Variants in NEGR1 observed in about 807,000 individuals in gnomAD.
The protein encoded by NEGR1 is neuronal growth regulator 1, also known as IgLON family member 4.
A neutral mutation model predicts 40.9 loss-of-function variants in NEGR1; 10 were observed. The ratio of observed to expected loss-of-function variants is 0.24; its 90% CI spans 0.15 to 0.42. The LOEUF (loss-of-function observed/expected upper bound fraction) is 0.42, where lower values mean the gene tolerates loss of function less well. Among genes scored for constraint, NEGR1 ranks in the 10% least tolerant of loss-of-function variants. The pLI, the probability that NEGR1 is intolerant of heterozygous loss-of-function variation, is 1.00. For synonymous variants in NEGR1, 185 were observed against 166.8 expected, an observed-to-expected ratio of 1.11 and a Z score of -0.84; for missense variants, 352 against 438.9, an observed-to-expected ratio of 0.80 and a Z score of 1.77.
chr1:71,567,177 T>C (rs1199985459), intron 6 of NEGR1, among the ~76,000 whole-genome samples: 1 of 151,956 alleles, frequency 6.6e-6, no homozygotes, highest in East Asian at 1.9e-4. Flanking sequence ...CACAACATTC[T>C]TTTCTTTTCT....
chr1:71,943,034 A>G (rs1645983808), intron 1 of NEGR1, among the ~76,000 whole-genome samples: 1 of 128,036 alleles, frequency 7.8e-6, no homozygotes, highest in Admixed American at 8.2e-5. Context: ...ATATACACAC[A>G]TACATATATA....
chr1:72,046,637 A>G (rs1278884221), intron 1 of NEGR1, among the ~76,000 whole-genome samples: 1 of 151,646 alleles, frequency 6.6e-6, no homozygotes, highest in African/African-American at 2.4e-5. Context: ...ATTAAAGACA[A>G]ACAAATCTAA....
chr1:71,458,444 G>A (rs1232385356), intron 6 of NEGR1, among the ~76,000 whole-genome samples: 2 of 152,168 alleles, frequency 1.3e-5, no homozygotes, highest in Non-Finnish European at 2.9e-5. Flanking sequence ...CCTATGTAGT[G>A]CCCACTATAG....
At chr1:71,466,967 G>T (rs1325951115) in intron 6 of NEGR1, among the ~76,000 whole-genome samples, 1 of 152,026 alleles carries the variant, frequency 6.6e-6, no homozygotes, top group East Asian at 1.9e-4. Flanking sequence ...ACCTTAAGCC[G>T]GTTCTTACAC....
chr1:71,725,344 A>C (rs931736331), intron 3 of NEGR1, among the ~76,000 whole-genome samples: 3 of 152,046 alleles, frequency 2.0e-5, no homozygotes, highest in Non-Finnish European at 4.4e-5. Flanking sequence ...TCTTTCGGAA[A>C]ATTTTATTGT....
chr1:71,733,435 T>C (rs1308643988), intron 3 of NEGR1, among the ~76,000 whole-genome samples: 1 of 152,214 alleles, frequency 6.6e-6, no homozygotes, highest in African/African-American at 2.4e-5. Flanking sequence ...AATTTTAGTC[T>C]GTATTGTAAC....
chr1:71,952,373 C>G (rs1386143558), intron 1 of NEGR1, among the ~76,000 whole-genome samples: 2 of 151,926 alleles, frequency 1.3e-5, no homozygotes, highest in Admixed American at 6.6e-5. Flanking sequence ...AAGACCAAAC[C>G]AGCCACAACA....
chr1:72,184,485 G>C (rs560245035), intron 1 of NEGR1, among the ~76,000 whole-genome samples: 1 of 152,142 alleles, frequency 6.6e-6, no homozygotes, highest in African/African-American at 2.4e-5. Flanking sequence ...ATGAATTATA[G>C]CTCTGAAAAG....
intron 2 of NEGR1, among the ~76,000 whole-genome samples, chr1:71,909,434 T>C (rs1661365206): frequency 6.6e-6 from 1 of 152,254 alleles, no homozygotes; most frequent in South Asian, 2.1e-4. Context: ...GTTCGTTGAA[T>C]GTGATTGCTT....
At chr1:72,199,525 G>A (rs541150181) in intron 1 of NEGR1, among the ~76,000 whole-genome samples, 3 of 152,062 alleles carry the variant, frequency 2.0e-5, no homozygotes, top group South Asian at 4.1e-4. Flanking sequence ...AACCAGCTAT[G>A]AGAACACAAT....
intron 2 of NEGR1, among the ~76,000 whole-genome samples, chr1:71,822,598 G>T (rs1364575698): frequency 1.3e-5 from 2 of 152,104 alleles, no homozygotes; most frequent in African/African-American, 4.8e-5. Flanking sequence ...TGGCATCATT[G>T]CTTGAGGAGA....
chr1:71,940,280 A>G (rs944229379), intron 1 of NEGR1, among the ~76,000 whole-genome samples: 1 of 152,186 alleles, frequency 6.6e-6, no homozygotes, highest in South Asian at 2.1e-4. Context: ...CGAGTATGGC[A>G]TAGCTTTCCT....
chr1:72,023,113 C>T (rs1646775504), intron 1 of NEGR1, among the ~76,000 whole-genome samples: 1 of 152,098 alleles, frequency 6.6e-6, no homozygotes, highest in Non-Finnish European at 1.5e-5. Context: ...TATTTCCTTT[C>T]CTCAATTCAC....
chr1:72,115,668 T>G (rs1221529478), intron 1 of NEGR1, among the ~76,000 whole-genome samples: 2 of 151,690 alleles, frequency 1.3e-5, no homozygotes, highest in African/African-American at 4.8e-5. Flanking sequence ...TTAATTGACT[T>G]GGCTGGAGAG....
intron 6 of NEGR1, among the ~76,000 whole-genome samples, chr1:71,509,406 TGG>T (rs1647058166): frequency 6.6e-6 from 1 of 152,196 alleles, no homozygotes; most frequent in Non-Finnish European, 1.5e-5. Flanking sequence ...GCAGAGCCCA[TGG>T]GATAACTCTT....
intron 1 of NEGR1, among the ~76,000 whole-genome samples, chr1:72,276,663 C>T (rs1273320023): frequency 6.6e-6 from 1 of 152,048 alleles, no homozygotes; most frequent in Non-Finnish European, 1.5e-5. Context: ...GGTTTAACTT[C>T]TATGCGTGTT....
At chr1:71,924,821 T>C (rs1645757213) in intron 2 of NEGR1, among the ~76,000 whole-genome samples, 1 of 152,182 alleles carries the variant, frequency 6.6e-6, no homozygotes, top group Admixed American at 6.5e-5. Flanking sequence ...ATGGAAATTA[T>C]AGAGAATAAG....
chr1:72,182,582 G>A (rs563321685), intron 1 of NEGR1, among the ~76,000 whole-genome samples: 26 of 152,028 alleles, frequency 1.7e-4, no homozygotes, highest in African/African-American at 6.3e-4. Flanking sequence ...CATTCCTAAT[G>A]AAGCAACTTC....
intron 4 of NEGR1, among the ~76,000 whole-genome samples, chr1:71,651,738 TATTAATAATAACA>T (rs993030343): frequency 6.6e-6 from 1 of 152,096 alleles, no homozygotes; most frequent in Non-Finnish European, 1.5e-5. Flanking sequence ...GTATATTTAA[TATTAATAATAACA>T]ACAACAGCAG....
Sources: allele counts gnomAD v4.1 joint callset (sites outside exome capture counted in the v4.1 genomes callset), GRCh38; gene constraint gnomAD v4.1.1; transcripts MANE v1.5; gene names NCBI Gene and HGNC (gene_info 2026-07-23, HGNC 2026-07-21).